Variants in ABRAXAS1 observed in about 807,000 individuals in gnomAD.
The protein encoded by ABRAXAS1 is abraxas 1, BRCA1 A complex subunit.
ABRAXAS1 carries 26 observed loss-of-function variants against 38.4 expected under a neutral mutation model. That is an observed-to-expected ratio of 0.68 (90% CI 0.50 to 0.94). The LOEUF (loss-of-function observed/expected upper bound fraction) is 0.94. Among genes scored for constraint, ABRAXAS1 ranks in the 40% least tolerant of loss-of-function variants. ABRAXAS1 has a pLI of 0.00. For synonymous variants in ABRAXAS1, 144 were observed against 165.5 expected (o/e 0.87, Z 1.00); for missense variants, 438 against 481.9 (o/e 0.91, Z 0.85).
chr4:83,464,709 A>G (rs140301299), intron 7 of ABRAXAS1, among the ~76,000 whole-genome samples: 2 of 152,302 alleles, frequency 1.3e-5, no homozygotes, highest in East Asian at 3.9e-4. Flanking sequence ...TTGCCTGGCA[A>G]TCTGGAGGTA....
rs758128935 is a variant in ABRAXAS1, at chr4:83,485,001, G to A, written c.72C>T (p.Asn24=). 1.4e-5 allele frequency: 22 copies of A among 1,592,674 alleles called. No homozygotes were observed. In the South Asian group the frequency reaches 2.4e-4, roughly 17 times the overall value. Residue 24 remains asparagine, a synonymous_variant, in exon 1 of 9, where the codon AAC becomes AAT. Transcript: ENST00000321945. ...CTCGGCTCACCGTGTCCGAGTCCGTGTTGAGGTGCTGGAAAGCGAGTGCGC... is the reference window on the plus strand; with the variant it reads ...CTCGGCTCACCGTGTCCGAGTCCGTATTGAGGTGCTGGAAAGCGAGTGCGC... ...VLGALAFQHL[N]TDSDTEGFLL...
chr4:83,471,875 A>AAAG (rs1250461012), intron 4 of ABRAXAS1, among the ~76,000 whole-genome samples: 1 of 152,178 alleles, frequency 6.6e-6, no homozygotes, highest in African/African-American at 2.4e-5. Context: ...GTCTCAAAAA[A>AAAG]AACAAAACAA....
At position 83,476,660 on chromosome 4, in the gene ABRAXAS1, T is replaced by A. The variant is rs1466488893; in HGVS notation, c.198A>T (p.Pro66=). 3.2e-6 allele frequency: 5 copies of A among 1,568,738 alleles called. No individual in the cohort carries two copies. The Admixed American group carries it at 8.4e-5, about 26-fold the overall frequency. ...VYTIDIQKYI[P]CYQLFSFYNS... is the part of the protein sequence containing the mutation. ...CTACTTACCTAAAAAGCTGATAGCATGGAATATATTTCTGAATGTCTGGAA... is the reference window on the plus strand; with the variant it reads ...CTACTTACCTAAAAAGCTGATAGCAAGGAATATATTTCTGAATGTCTGGAA... Residue 66 remains proline, a synonymous_variant, in exon 3 of 9, where the codon CCA becomes CCT. Transcript: ENST00000321945.
chr4:83,471,180 G>GA (rs1257782923), intron 4 of ABRAXAS1, among the ~76,000 whole-genome samples: 2 of 132,814 alleles, frequency 1.5e-5, no homozygotes, highest in African/African-American at 2.7e-5. Context: ...CATATTTGTT[G>GA]AAAGAAACAT....
At chr4:83,477,672 T>C (rs557482270) in intron 2 of ABRAXAS1, 34 of 560,058 alleles carry the variant, frequency 6.1e-5, no homozygotes, top group Admixed American at 2.4e-4. Flanking sequence ...GGCCAAAGCA[T>C]TGATGTCCGT....
At position 83,476,676 on chromosome 4, in the gene ABRAXAS1, A is replaced by G. The variant is rs1288629338; in HGVS notation, c.182T>C (p.Ile61Thr). The G allele has an allele frequency of 6.4e-7, 1 of 1,560,760 alleles. No homozygotes were observed. Among genetic ancestry groups the G allele is most frequent in the East Asian group, 2.2e-5 (1 of 44,572 alleles). Residue 61 changes from isoleucine (I) to threonine (T), a missense_variant, in exon 3 of 9, where the codon ATT becomes ACT. By Grantham distance (89) the Ile-to-Thr change is moderately conservative (BLOSUM62 -1). Coordinates refer to ENST00000321945, the MANE Select transcript of ABRAXAS1 (RefSeq NM_139076.3). The stretch of plus-strand genomic sequence containing the variant: ...CTGATAGCATGGAATATATTTCTGA[A>G]TGTCTGGAAGAAAAGGATTTTTAGT... ...DDVEVVYTID[I>T]QKYIPCYQLF...
chr4:83,480,859 G>A (rs977822140), intron 2 of ABRAXAS1, among the ~76,000 whole-genome samples: 3 of 152,194 alleles, frequency 2.0e-5, no homozygotes, highest in African/African-American at 7.2e-5. Context: ...GGCCAGGCAT[G>A]GTGGCTCACG....
At chr4:83,464,629 A>G (rs532597179) in intron 7 of ABRAXAS1, among the ~76,000 whole-genome samples, 27 of 152,264 alleles carry the variant, frequency 1.8e-4, no homozygotes, top group Admixed American at 1.5e-3. Flanking sequence ...TTGCCCTGAC[A>G]TAAGAGTTTG....
chr4:83,475,922 T>G (rs1722747288), intron 3 of ABRAXAS1, among the ~76,000 whole-genome samples: 1 of 152,132 alleles, frequency 6.6e-6, no homozygotes, highest in African/African-American at 2.4e-5. Flanking sequence ...ACATAACCAG[T>G]TGAGTGCAAT....
chr4:83,482,745 CTAGCCTGAAATAATCAGAG>C (rs1723043325), intron 1 of ABRAXAS1, among the ~76,000 whole-genome samples: 2 of 151,946 alleles, frequency 1.3e-5, no homozygotes, highest in South Asian at 4.1e-4. Context: ...AGAGATTAGT[CTAGCCTGAAATAATCAGAG>C]TAGCCCTGGG....
intron 7 of ABRAXAS1, among the ~76,000 whole-genome samples, chr4:83,465,830 A>C (rs940371011): frequency 6.6e-6 from 1 of 152,202 alleles, no homozygotes; most frequent in East Asian, 1.9e-4. Context: ...TTACCATCTA[A>C]AATTCCCGTT....
rs1722126223 is a variant in ABRAXAS1 at position 83,461,740 on chromosome 4, C to T, written c.*729G>A. The T allele has an allele frequency of 8.7e-6, 2 of 230,556 alleles. No individual in the cohort carries two copies. Among genetic ancestry groups the T allele is most frequent in the African/African-American group, 2.2e-5 (1 of 45,004 alleles). The allele number at this position is 230,556 out of a possible 1,614,324, so 14.3% of individuals were successfully genotyped here. A position where few individuals can be genotyped will look rare whatever the true frequency, so the allele number is the denominator to read the frequency against. ...GCCTATCCCAAATACACTGGATTACCAGGCTTGTACTGTATTCAAAATGAT... is the reference window on the plus strand; with the variant it reads ...GCCTATCCCAAATACACTGGATTACTAGGCTTGTACTGTATTCAAAATGAT... On this transcript the variant is annotated 3_prime_UTR_variant, in exon 9 of 9. Coordinates refer to ENST00000321945, the MANE Select transcript of ABRAXAS1 (RefSeq NM_139076.3).
At chr4:83,478,277 A>G (rs147166497) in intron 2 of ABRAXAS1, 148 of 662,518 alleles carry the variant, frequency 2.2e-4, no homozygotes, top group Admixed American at 1.5e-3. Flanking sequence ...GGATCTCTAT[A>G]AGGGCACTTT....
chr4:83,459,850 C>G lies in ABRAXAS1; in HGVS notation c.*2619G>C. ...AAATGTAGATACGAATTATATCAAT[C>G]TATTTCTATCATTTAAGAAAACTCA... On this transcript the variant is annotated 3_prime_UTR_variant, in exon 9 of 9. Coordinates refer to ENST00000321945, the MANE Select transcript of ABRAXAS1 (RefSeq NM_139076.3). The G allele has an allele frequency of 7.0e-7, 1 of 1,427,766 alleles. No individual in the cohort carries two copies. Among genetic ancestry groups the G allele is most frequent in the Non-Finnish European group, 9.7e-7 (1 of 1,035,104 alleles). 88.4% of individuals were successfully genotyped at this position (1,427,766 alleles called of 1,614,324 possible).
intron 5 of ABRAXAS1, 179 bp from the exon 6 acceptor site, chr4:83,469,330 T>C (rs1722498198): frequency 3.4e-6 from 2 of 587,386 alleles, no homozygotes; most frequent in South Asian, 4.2e-5. Context: ...TTTTTTTTTT[T>C]TGAGACAGGG....
In ABRAXAS1 at chr4:83,461,049, C is replaced by T. The variant is rs1224244313; in HGVS notation, c.*1420G>A. The T allele has an allele frequency of 1.9e-6, 3 of 1,612,232 alleles. No homozygotes were observed. The highest frequency in any genetic ancestry group is 2.5e-6 in the Non-Finnish European group (3 of 1,178,664). On this transcript the variant is annotated 3_prime_UTR_variant, in exon 9 of 9. Coordinates refer to ENST00000321945, the MANE Select transcript of ABRAXAS1 (RefSeq NM_139076.3). The stretch of plus-strand genomic sequence containing the variant: ...AAATAATGGGTAAGAAAGAATACCT[C>T]AACAACTGAATTGAGCTAGCTGAAA...
Position 83,462,783 on chromosome 4 carries a change from C to G in ABRAXAS1, c.916G>C (p.Val306Leu), listed in dbSNP as rs758777622. 3 of 1,613,948 alleles carry G rather than the reference C, an allele frequency of 1.9e-6. No individual in the cohort carries two copies. Among genetic ancestry groups the G allele is most frequent in the Non-Finnish European group, 2.5e-6 (3 of 1,179,946 alleles). Reference sequence around the variant, plus strand: ...TTGTAGTTACAGCTACTTTTAGAAACATGTCTATTTTTTAAAGACATAACA... The same window carrying G: ...TTGTAGTTACAGCTACTTTTAGAAAGATGTCTATTTTTTAAAGACATAACA... The part of the protein sequence containing the change: ...SCVMSLKNRH[V>L]SKSSCNYNHH... Residue 306 changes from valine to leucine, a missense_variant, in exon 9 of 9, where the codon GTT becomes CTT. Transcript: ENST00000321945.
chr4:83,476,746 T>C (rs1722785142), intron 2 of ABRAXAS1, 67 bp from the exon 3 acceptor site: 12 of 1,066,094 alleles, frequency 1.1e-5, no homozygotes, highest in Non-Finnish European at 1.7e-5. Context: ...ATGCTGCATA[T>C]TGAGCCTTTA....
rs1722147946 is a variant in ABRAXAS1, at chr4:83,462,286, G to C, written c.*183C>G. 3.5e-6 allele frequency: 2 copies of C among 575,742 alleles called. No individual in the cohort carries two copies. The highest frequency in any genetic ancestry group is 6.0e-6 in the Non-Finnish European group (2 of 332,288). The allele number at this position is 575,742 out of a possible 1,614,324, so 35.7% of individuals were successfully genotyped here. A position where few individuals can be genotyped will look rare whatever the true frequency, so the allele number is the denominator to read the frequency against. On this transcript the variant is annotated 3_prime_UTR_variant, in exon 9 of 9. Coordinates refer to ENST00000321945, the MANE Select transcript of ABRAXAS1 (RefSeq NM_139076.3). ...AAAAGGTTTGGAAATAAAAGCATCT[G>C]ATGTTTGAAAAAGTACTTTGTGAAG... is the stretch of plus-strand genomic sequence containing the variant.
Sources: gnomAD v4.1 joint callset for allele counts (sites outside exome capture counted in the v4.1 genomes callset) on GRCh38, gnomAD v4.1.1 for gene constraint, MANE v1.5 for transcripts, NCBI Gene and HGNC (gene_info 2026-07-23, HGNC 2026-07-21) for gene names.